ALK: variants seen among roughly 807,000 people sequenced by gnomAD.
The protein encoded by ALK is ALK receptor tyrosine kinase.
In ALK, 74 loss-of-function variants were observed where a neutral mutation model predicts 163.1. The observed-to-expected ratio is 0.45, with a 90% CI of 0.38 to 0.55. The LOEUF is 0.55. ALK is among the 20% of genes least tolerant of loss of function. The pLI, the probability that ALK is intolerant of heterozygous loss-of-function variation, is 0.00. For missense variants in ALK, 2,063 were observed against 2,105.3 expected (o/e 0.98, Z 0.39); for synonymous variants, 960 against 843.2 (o/e 1.14, Z -2.40).
chr2:29,206,719 ATTTTGT>A (rs1239732722), intron 26 of ALK, among the ~76,000 whole-genome samples: 1 of 151,866 alleles, frequency 6.6e-6, no homozygotes, highest in Non-Finnish European at 1.5e-5. Context: ...AGTTTCCAAA[ATTTTGT>A]CATTGTTGTG....
At chr2:29,481,758 G>A (rs1671663962) in intron 4 of ALK, among the ~76,000 whole-genome samples, 1 of 152,172 alleles carries the variant, frequency 6.6e-6, no homozygotes, top group Non-Finnish European at 1.5e-5. Flanking sequence ...TCTTTGCATG[G>A]TTCACAGCTC....
At chr2:29,818,065 T>TG (rs1299387809) in intron 1 of ALK, among the ~76,000 whole-genome samples, 1 of 152,208 alleles carries the variant, frequency 6.6e-6, no homozygotes, top group African/African-American at 2.4e-5. Flanking sequence ...GATACCCTCT[T>TG]GGCTCGCCAA....
At chr2:29,382,691 A>G (rs1447333689) in intron 5 of ALK, among the ~76,000 whole-genome samples, 1 of 152,200 alleles carries the variant, frequency 6.6e-6, no homozygotes, top group Non-Finnish European at 1.5e-5. Flanking sequence ...TGAGTGCGGA[A>G]ACATTTGTAC....
chr2:29,365,656 C>A (rs1668486997), intron 5 of ALK, among the ~76,000 whole-genome samples: 1 of 152,218 alleles, frequency 6.6e-6, no homozygotes, highest in South Asian at 2.1e-4. Context: ...TAGAGTTCTA[C>A]AAGCTCTGAA....
intron 26 of ALK, among the ~76,000 whole-genome samples, chr2:29,201,198 T>C (rs1669170524): frequency 6.6e-6 from 1 of 152,124 alleles, no homozygotes; most frequent in Non-Finnish European, 1.5e-5. Flanking sequence ...ATCCAGTGGA[T>C]TCCAAGATCT....
At chr2:29,509,796 C>T (rs1672459440) in intron 4 of ALK, among the ~76,000 whole-genome samples, 1 of 152,022 alleles carries the variant, frequency 6.6e-6, no homozygotes, top group Non-Finnish European at 1.5e-5. Context: ...ACTGGAGAAC[C>T]AGAAAGAATA....
At chr2:29,328,521 T>C (rs760021987) in intron 5 of ALK, 40 bp from the exon 6 acceptor site, 1 of 1,613,854 alleles carries the variant, frequency 6.2e-7, no homozygotes. Context: ...TAAGTTTGCA[T>C]GGCCCCAGGC....
intron 2 of ALK, among the ~76,000 whole-genome samples, chr2:29,699,380 AG>A (rs1678666310): frequency 6.6e-6 from 1 of 152,132 alleles, no homozygotes; most frequent in African/African-American, 2.4e-5. Flanking sequence ...AGGCTTAAAA[AG>A]TTTTCTTGCC....
At chr2:29,338,477 T>C (rs1667691135) in intron 5 of ALK, among the ~76,000 whole-genome samples, 1 of 152,236 alleles carries the variant, frequency 6.6e-6, no homozygotes, top group African/African-American at 2.4e-5. Flanking sequence ...AGCCTTTGTG[T>C]AACTTTGTTC....
At chr2:29,439,210 AAAC>A (rs1573354720) in intron 4 of ALK, among the ~76,000 whole-genome samples, 1 of 152,224 alleles carries the variant, frequency 6.6e-6, no homozygotes, top group East Asian at 1.9e-4. Flanking sequence ...TCTAGTACTG[AAAC>A]AACATGTAGC....
At chr2:29,560,574 T>C (rs1198865917) in intron 3 of ALK, among the ~76,000 whole-genome samples, 1 of 152,048 alleles carries the variant, frequency 6.6e-6, no homozygotes, top group Admixed American at 6.6e-5. Context: ...CCTTCCTTCT[T>C]TCTTTTTTTC....
At chr2:29,391,859 T>C (rs1431580981) in intron 4 of ALK, among the ~76,000 whole-genome samples, 1 of 152,222 alleles carries the variant, frequency 6.6e-6, no homozygotes, top group Non-Finnish European at 1.5e-5. Flanking sequence ...CTGCCTTTTA[T>C]TGGCTGTGTG....
intron 26 of ALK, among the ~76,000 whole-genome samples, chr2:29,201,345 ATCTCCTCTTTCAT>A (rs1669174189): frequency 1.3e-5 from 2 of 152,014 alleles, no homozygotes; most frequent in Admixed American, 1.3e-4. Flanking sequence ...AACCCACACC[ATCTCCTCTTTCAT>A]TCTTTCCCAA....
rs374828357 is a variant in ALK, at chr2:29,246,013, T to C, written c.2204+5092A>G. 5.9e-5 allele frequency among the ~76,000 whole-genome samples: 9 copies of C among 152,366 alleles called. No homozygotes were observed. In the East Asian group the frequency reaches 1.7e-3, roughly 29 times the overall value. On this transcript the variant is annotated intron_variant, in intron 12 of 28. Coordinates refer to ENST00000389048, the MANE Select transcript of ALK (RefSeq NM_004304.5). This position sits in a 1 kb window ranked among gnomAD's most constrained non-coding sequence, Gnocchi z 4.3. ...TGGCCCAAGGTCAGTTGGCTCCAGCTGGGACCTGGGGCCTCTTGTCCATTA... is the reference window on the plus strand; with the variant it reads ...TGGCCCAAGGTCAGTTGGCTCCAGCCGGGACCTGGGGCCTCTTGTCCATTA...
chr2:29,384,752 C>A (rs780122288), intron 4 of ALK, among the ~76,000 whole-genome samples: 1 of 152,014 alleles, frequency 6.6e-6, no homozygotes, highest in Non-Finnish European at 1.5e-5. Flanking sequence ...TCCTTAAAAA[C>A]AATTTTATTG....
intron 4 of ALK, among the ~76,000 whole-genome samples, chr2:29,529,310 T>G (rs1673053849): frequency 6.6e-6 from 1 of 152,198 alleles, no homozygotes; most frequent in Non-Finnish European, 1.5e-5. Flanking sequence ...GTTTTCCAAA[T>G]AGTGGTCCCC....
At chr2:29,516,012 T>C (rs1672652280) in intron 4 of ALK, among the ~76,000 whole-genome samples, 1 of 152,096 alleles carries the variant, frequency 6.6e-6, no homozygotes, top group Non-Finnish European at 1.5e-5. Context: ...TAAGGTGAGT[T>C]CTGGGTCCAG....
intron 4 of ALK, among the ~76,000 whole-genome samples, chr2:29,409,078 T>C (rs557158948): frequency 6.6e-6 from 1 of 152,320 alleles, no homozygotes. Context: ...AGATGCCATC[T>C]CATCAGTGAA....
intron 4 of ALK, among the ~76,000 whole-genome samples, chr2:29,410,156 G>T (rs188437722): frequency 1.7e-4 from 26 of 152,130 alleles, no homozygotes; most frequent in Non-Finnish European, 3.1e-4. Flanking sequence ...AAACCTAGAC[G>T]GTGTGAAAGG....
Sources: gnomAD v4.1 joint callset for allele counts (sites outside exome capture counted in the v4.1 genomes callset) on GRCh38, gnomAD v4.1.1 for gene constraint, Gnocchi (gnomAD v3.1) non-coding constraint, MANE v1.5 for transcripts, NCBI Gene and HGNC (gene_info 2026-07-23, HGNC 2026-07-21) for gene names.